Variants in RNF216 observed in about 807,000 individuals in gnomAD.
The protein encoded by RNF216 is E3 ubiquitin-protein ligase RNF216.
Under a neutral mutation model 110.8 loss-of-function variants are expected in RNF216, and 72 were observed. The ratio of observed to expected loss-of-function variants is 0.65; its 90% CI spans 0.54 to 0.79. RNF216 has a LOEUF of 0.79. Ranked by LOEUF, RNF216 falls within the 30% of genes least tolerant of loss-of-function variation. The pLI is 0.00. For missense variants in RNF216, 1,342 were observed against 1,141.2 expected, an observed-to-expected ratio of 1.18 and a Z score of -2.54; for synonymous variants, 495 against 407.5, an observed-to-expected ratio of 1.21 and a Z score of -2.59.
At chr7:5,662,682 T>C (rs1261226551) in intron 13 of RNF216, 1 of 152,096 alleles carries the variant, frequency 6.6e-6, no homozygotes, top group Non-Finnish European at 1.5e-5. Context: ...GAGGGATCGG[T>C]ATAAAACGAA....
chr7:5,676,700 ATTC>A (rs1490063885), intron 13 of RNF216, among the ~76,000 whole-genome samples: 4 of 152,234 alleles, frequency 2.6e-5, no homozygotes, highest in Non-Finnish European at 4.4e-5. Context: ...CTATGCCCCT[ATTC>A]TTAAGGAATA....
At chr7:5,654,874 C>T (rs948387618) in intron 13 of RNF216, among the ~76,000 whole-genome samples, 2 of 151,920 alleles carry the variant, frequency 1.3e-5, no homozygotes, top group Non-Finnish European at 1.5e-5. Flanking sequence ...CTATTACCCA[C>T]CGAAACATAC....
intron 7 of RNF216, among the ~76,000 whole-genome samples, chr7:5,725,993 TTGGCTG>T (rs1793730164): frequency 1.3e-5 from 2 of 152,104 alleles, no homozygotes; most frequent in Non-Finnish European, 2.9e-5. Context: ...AGAAAAACTG[TTGGCTG>T]GGTGCAGTGG....
chr7:5,623,972 G>A, intron 16 of RNF216, 84 bp downstream of exon 16: 2 of 1,206,958 alleles, frequency 1.7e-6, no homozygotes, highest in Non-Finnish European at 2.4e-6. Context: ...GCTGGGTTGA[G>A]TGCCAGGACA....
intron 2 of RNF216, among the ~76,000 whole-genome samples, chr7:5,754,056 C>G (rs117636845): frequency 1.3e-5 from 2 of 151,784 alleles, no homozygotes; most frequent in Non-Finnish European, 2.9e-5. Context: ...AACGAAATGA[C>G]GCACCTCATC....
At chr7:5,770,534 G>C (rs768026192) in intron 1 of RNF216, among the ~76,000 whole-genome samples, 115 of 151,826 alleles carry the variant, frequency 7.6e-4, no homozygotes, top group Non-Finnish European at 1.3e-3. Context: ...TTCACGGGTG[G>C]GAAAGTTCAA....
At chr7:5,693,836 A>C (rs1024205555) in intron 13 of RNF216, among the ~76,000 whole-genome samples, 1 of 152,180 alleles carries the variant, frequency 6.6e-6, no homozygotes, top group Non-Finnish European at 1.5e-5. Context: ...AAAGACAGAG[A>C]TGGACGCGGG....
rs1792978545 is a variant in RNF216, at chr7:5,715,333, T to C, written c.1696-143A>G. 7.2e-6 allele frequency: 5 copies of C among 692,662 alleles called. No individual in the cohort carries two copies. The South Asian group carries it at 7.2e-5, about 10-fold the overall frequency. The allele number at this position is 692,662 out of a possible 1,614,324, so 42.9% of individuals were successfully genotyped here. ...TTTTAGGGGCCATAAAACAATGATATGCTGTTTCGTGCTATATAAATCTAG... is the reference window on the plus strand; with the variant it reads ...TTTTAGGGGCCATAAAACAATGATACGCTGTTTCGTGCTATATAAATCTAG... On this transcript the variant is annotated intron_variant, in intron 10 of 16. Transcript: ENST00000389902.
At chr7:5,745,198 A>G (rs934102045) in intron 3 of RNF216, among the ~76,000 whole-genome samples, 4 of 152,210 alleles carry the variant, frequency 2.6e-5, no homozygotes, top group East Asian at 1.9e-4. Flanking sequence ...TTCAAAGACA[A>G]TAACTTACCA....
At chr7:5,733,924 A>G (rs190036741) in intron 5 of RNF216, among the ~76,000 whole-genome samples, 1 of 152,354 alleles carries the variant, frequency 6.6e-6, no homozygotes. Context: ...CATTGTAAAA[A>G]TGTAGTCATT....
intron 5 of RNF216, 51 bp downstream of exon 5, chr7:5,739,225 T>C (rs774243305): frequency 2.7e-6 from 4 of 1,475,758 alleles, no homozygotes; most frequent in Non-Finnish European, 3.6e-6. Flanking sequence ...TTATTACATA[T>C]ATTTTACCAC....
At chr7:5,628,500 A>G (rs1050118419) in intron 15 of RNF216, among the ~76,000 whole-genome samples, 5 of 152,106 alleles carry the variant, frequency 3.3e-5, no homozygotes, top group African/African-American at 1.2e-4. Context: ...CTTTTAGCTA[A>G]TATGTTAGAC....
chr7:5,772,775 CTTTTTT>C (rs34504327), intron 1 of RNF216, among the ~76,000 whole-genome samples: 8 of 133,560 alleles, frequency 6.0e-5, no homozygotes, highest in East Asian at 2.1e-4. Context: ...AAAGATATTC[CTTTTTT>C]TTTTTTTTTT....
At chr7:5,766,367 G>C (rs1437574657) in intron 1 of RNF216, among the ~76,000 whole-genome samples, 1 of 152,162 alleles carries the variant, frequency 6.6e-6, no homozygotes, top group Non-Finnish European at 1.5e-5. Flanking sequence ...GTCACGCCTG[G>C]CCTCCAAATT....
intron 5 of RNF216, among the ~76,000 whole-genome samples, chr7:5,736,304 TGGAGATGG>T (rs1384843125): frequency 6.6e-6 from 1 of 151,992 alleles, no homozygotes; most frequent in East Asian, 1.9e-4. Context: ...TTTTTTTTGG[TGGAGATGG>T]GGTTTCGCTG....
At chr7:5,658,098 G>T (rs115751510) in intron 13 of RNF216, among the ~76,000 whole-genome samples, 1 of 152,238 alleles carries the variant, frequency 6.6e-6, no homozygotes, top group Non-Finnish European at 1.5e-5. Context: ...AAAGAGGTGA[G>T]TCAGACAAGG....
chr7:5,736,864 T>C (rs972035350), intron 5 of RNF216, among the ~76,000 whole-genome samples: 6 of 148,880 alleles, frequency 4.0e-5, no homozygotes, highest in Non-Finnish European at 8.9e-5. Context: ...ATCTGAGAAG[T>C]GAGGAGCCCC....
chr7:5,766,195 C>A (rs1796199830), intron 1 of RNF216, among the ~76,000 whole-genome samples: 2 of 151,952 alleles, frequency 1.3e-5, no homozygotes, highest in Non-Finnish European at 2.9e-5. Flanking sequence ...GAGTCTGAAG[C>A]AGGAGGATCT....
intron 13 of RNF216, among the ~76,000 whole-genome samples, chr7:5,710,121 A>G (rs1207575481): frequency 1.3e-5 from 2 of 152,196 alleles, no homozygotes; most frequent in Non-Finnish European, 2.9e-5. Context: ...GCACTTTGGA[A>G]GGCTGAGGTG....
Sources: allele counts gnomAD v4.1 joint callset (sites outside exome capture counted in the v4.1 genomes callset), GRCh38; gene constraint gnomAD v4.1.1; transcripts MANE v1.5; gene names NCBI Gene and HGNC (gene_info 2026-07-23, HGNC 2026-07-21).